Variants in ZCCHC7 observed in about 807,000 individuals in gnomAD.
ZCCHC7 encodes the protein zinc finger CCHC-type containing 7.
Under a neutral mutation model 52.0 loss-of-function variants are expected in ZCCHC7, and 35 were observed. The observed-to-expected ratio is 0.67, with a 90% CI of 0.51 to 0.89. The LOEUF (loss-of-function observed/expected upper bound fraction) is 0.89. Among genes scored for constraint, ZCCHC7 ranks in the 40% least tolerant of loss-of-function variants. The pLI is 0.00. For synonymous variants in ZCCHC7, 217 were observed against 221.5 expected, an observed-to-expected ratio of 0.98 and a Z score of 0.18; for missense variants, 574 against 649.1, an observed-to-expected ratio of 0.88 and a Z score of 1.26.
chr9:37,186,665 A>T (rs1052552822), intron 2 of ZCCHC7: 1 of 564,268 alleles, frequency 1.8e-6, no homozygotes, highest in East Asian at 3.0e-5. Context: ...AAAGAAAATT[A>T]TACTCTTAGA....
chr9:37,288,881 G>T (rs548400293), intron 2 of ZCCHC7, among the ~76,000 whole-genome samples: 2 of 152,180 alleles, frequency 1.3e-5, no homozygotes, highest in South Asian at 4.1e-4. Context: ...ACCCAGTCCT[G>T]TTCTAAATAC....
intron 2 of ZCCHC7, among the ~76,000 whole-genome samples, chr9:37,298,242 TG>T (rs1244647582): frequency 1.3e-5 from 2 of 151,648 alleles, no homozygotes; most frequent in African/African-American, 4.8e-5. Context: ...GTTCCACAAA[TG>T]GGGGCAAAGT....
intron 2 of ZCCHC7, among the ~76,000 whole-genome samples, chr9:37,211,597 TTAGTAA>T (rs1449692145): frequency 3.3e-5 from 5 of 152,310 alleles, no homozygotes; most frequent in South Asian, 2.1e-4. Context: ...TTTTCATGTC[TTAGTAA>T]TAGGATGTTA....
At chr9:37,120,237 T>C (rs1842243622), upstream of ZCCHC7, among the ~76,000 whole-genome samples, 1 of 151,946 alleles carries the variant, frequency 6.6e-6, no homozygotes, top group African/African-American at 2.4e-5. Context: ...TCATGGGGGT[T>C]GTAGTTTTCC....
Position 37,357,038 on chromosome 9 carries a change from G to C in ZCCHC7, c.1402G>C (p.Glu468Gln), listed in dbSNP as rs1215058458. ...GCACAGGAAGGCTGACAGACATCGT[G>C]AAGTGGATGAGGATTTTCCCAGGGG... is the stretch of plus-strand genomic sequence containing the variant. ...EKHRKADRHR[E>Q]VDEDFPRGPK... The change falls in exon 9 of 9, where the codon GAA becomes CAA. Residue 468 changes from glutamate to glutamine, a missense_variant. Physicochemically the swap from Glu to Gln is conservative, Grantham distance 29 (BLOSUM62 2). Coordinates refer to ENST00000336755, the MANE Select transcript of ZCCHC7 (RefSeq NM_032226.3). 2 of 1,613,736 alleles carry C rather than the reference G, an allele frequency of 1.2e-6. No homozygotes were observed. The highest frequency in any genetic ancestry group is 4.5e-5 in the East Asian group (2 of 44,850).
At chr9:37,236,452 C>T (rs544955884) in intron 2 of ZCCHC7, among the ~76,000 whole-genome samples, 5 of 151,024 alleles carry the variant, frequency 3.3e-5, no homozygotes, top group African/African-American at 9.7e-5. Context: ...AGTGCAGTGG[C>T]GCTGTCTCGG....
At chr9:37,289,235 T>C (rs1828410961) in intron 2 of ZCCHC7, among the ~76,000 whole-genome samples, 1 of 151,380 alleles carries the variant, frequency 6.6e-6, no homozygotes, top group South Asian at 2.1e-4. Context: ...CTGCAACCTC[T>C]GCCTCCCGGG....
At chr9:37,214,790 A>C (rs139079130) in intron 2 of ZCCHC7, among the ~76,000 whole-genome samples, 1 of 152,090 alleles carries the variant, frequency 6.6e-6, no homozygotes, top group South Asian at 2.1e-4. Context: ...TGGAAGAGAT[A>C]CTATTCTTCC....
chr9:37,125,160 T>G (rs1842489858), intron 1 of ZCCHC7, among the ~76,000 whole-genome samples: 1 of 152,102 alleles, frequency 6.6e-6, no homozygotes, highest in African/African-American at 2.4e-5. Context: ...CACCCTTGTT[T>G]TATTTTTGAG....
At chr9:37,311,709 CCTTTTT>C (rs376910521) in intron 5 of ZCCHC7, among the ~76,000 whole-genome samples, 419 of 152,240 alleles carry the variant, frequency 2.8e-3, no homozygotes, top group African/African-American at 9.3e-3. Context: ...CTGCGCCCGG[CCTTTTT>C]ACTTTTTTGA....
chr9:37,288,114 C>T (rs1200937392), intron 2 of ZCCHC7, among the ~76,000 whole-genome samples: 1 of 151,510 alleles, frequency 6.6e-6, no homozygotes, highest in Non-Finnish European at 1.5e-5. Context: ...CCCCATATAA[C>T]ACAAAAATAT....
rs1242949815 is a variant in ZCCHC7 at position 37,340,415 on chromosome 9, A to G, written c.988-8942A>G. On this transcript the variant is annotated intron_variant, in intron 6 of 8. Coordinates refer to ENST00000336755, the MANE Select transcript of ZCCHC7 (RefSeq NM_032226.3). Reference sequence around the variant, plus strand: ...TATTTAAATGTCTGCAACCAAAAAAAAAAAAAGAAATACAAAAGGCCTGCT... The same window carrying G: ...TATTTAAATGTCTGCAACCAAAAAAGAAAAAAGAAATACAAAAGGCCTGCT... Among the ~76,000 whole-genome samples, 4 of 152,080 alleles carry G rather than the reference A, an allele frequency of 2.6e-5. No homozygotes were observed. In the East Asian group the frequency reaches 7.7e-4, roughly 29 times the overall value.
intron 1 of ZCCHC7, among the ~76,000 whole-genome samples, chr9:37,125,043 A>T (rs924232312): frequency 6.6e-6 from 1 of 152,130 alleles, no homozygotes; most frequent in African/African-American, 2.4e-5. Context: ...GCAGATATGT[A>T]GTTTCACCAT....
intron 2 of ZCCHC7, among the ~76,000 whole-genome samples, chr9:37,296,423 C>CT (rs931835953): frequency 2.6e-5 from 4 of 151,688 alleles, no homozygotes; most frequent in African/African-American, 7.3e-5. Context: ...TTCCTTTTTT[C>CT]TTTTTTTTCC....
At chr9:37,273,591 T>G (rs1384330214) in intron 2 of ZCCHC7, among the ~76,000 whole-genome samples, 1 of 152,202 alleles carries the variant, frequency 6.6e-6, no homozygotes, top group Non-Finnish European at 1.5e-5. Flanking sequence ...TCAGCAAGGG[T>G]AATCATCAAC....
intron 2 of ZCCHC7, among the ~76,000 whole-genome samples, chr9:37,213,794 C>T (rs1203714809): frequency 6.6e-6 from 1 of 152,010 alleles, no homozygotes; most frequent in African/African-American, 2.4e-5. Flanking sequence ...ATAAAAATTT[C>T]TGATTTATTA....
chr9:37,191,195 C>T (rs571125002), intron 2 of ZCCHC7, among the ~76,000 whole-genome samples: 1 of 152,148 alleles, frequency 6.6e-6, no homozygotes, highest in Non-Finnish European at 1.5e-5. Flanking sequence ...AAATTTTTGC[C>T]TATGGAAAAA....
At chr9:37,334,214 T>C (rs1056456630) in intron 6 of ZCCHC7, among the ~76,000 whole-genome samples, 7 of 151,936 alleles carry the variant, frequency 4.6e-5, no homozygotes, top group African/African-American at 1.7e-4. Context: ...ATATTCCGAG[T>C]GATCAAACTT....
Position 37,349,323 on chromosome 9 carries a change from C to T in ZCCHC7, c.988-34C>T, listed in dbSNP as rs142322144. 195 of 1,599,198 alleles carry T rather than the reference C, an allele frequency of 1.2e-4. No individual in the cohort carries two copies. In the African/African-American group the frequency reaches 2.2e-3, roughly 18 times the overall value. ...GAATGAGGTTTTAATTTTCTTCTAACATCAACAAACCCTCACAAATATTCA... is the reference window on the plus strand; with the variant it reads ...GAATGAGGTTTTAATTTTCTTCTAATATCAACAAACCCTCACAAATATTCA... On this transcript the variant is annotated intron_variant, in intron 6 of 8. Coordinates refer to ENST00000336755, the MANE Select transcript of ZCCHC7 (RefSeq NM_032226.3).
Sources: allele counts gnomAD v4.1 joint callset (sites outside exome capture counted in the v4.1 genomes callset), GRCh38; gene constraint gnomAD v4.1.1; transcripts MANE v1.5; gene names NCBI Gene and HGNC (gene_info 2026-07-23, HGNC 2026-07-21).